The following FYN variants were observed in gnomAD, a reference collection of about 807,000 sequenced individuals.
The protein encoded by FYN is tyrosine-protein kinase Fyn.
In FYN, 10 loss-of-function variants were observed where a neutral mutation model predicts 70.2. The observed-to-expected ratio is 0.14, with a 90% CI of 0.09 to 0.24. The LOEUF (loss-of-function observed/expected upper bound fraction) is 0.24, where lower values mean the gene tolerates loss of function less well. Ranked by LOEUF, FYN falls within the 10% of genes least tolerant of loss-of-function variation. The probability of loss-of-function intolerance (pLI) is 1.00; values close to 1 mark genes in which losing one functional copy is unlikely to be tolerated. For synonymous variants in FYN, 236 were observed against 248.6 expected (o/e 0.95, Z 0.48); for missense variants, 319 against 673.1 (o/e 0.47, Z 5.82).
chr6:111,786,898 T>A (rs376732658), intron 2 of FYN, among the ~76,000 whole-genome samples: 1 of 152,218 alleles, frequency 6.6e-6, no homozygotes, highest in East Asian at 1.9e-4. Flanking sequence ...CTTTGCCCAC[T>A]TGTTGATGGG....
Position 111,872,733 on chromosome 6 carries a change from T to G in FYN, c.-123+235A>C, listed in dbSNP as rs564959474. ...CGGCGCCCGCTTGCGGGCGAGGAAA[T>G]GGGGTCCCCATCCCCGCGCTGCCTC... On this transcript the variant is annotated intron_variant, in intron 1 of 13. Transcript: ENST00000354650. 6.5e-3 allele frequency among the ~76,000 whole-genome samples: 988 copies of G among 151,696 alleles called. 7 individuals carry two copies. The highest frequency in any genetic ancestry group is 0.022 in the African/African-American group (925 of 41,388).
chr6:111,868,667 G>A (rs904650457), intron 1 of FYN, among the ~76,000 whole-genome samples: 5 of 152,084 alleles, frequency 3.3e-5, no homozygotes, highest in African/African-American at 1.2e-4. Flanking sequence ...GTAGTATTTT[G>A]AATATTACCT....
chr6:111,720,677 G>A (rs1800891885), intron 3 of FYN, among the ~76,000 whole-genome samples: 1 of 152,142 alleles, frequency 6.6e-6, no homozygotes, highest in South Asian at 2.1e-4. Context: ...CAGAACCTAA[G>A]AGGTCAGAGT....
At chr6:111,725,031 C>A (rs1009856130) in intron 3 of FYN, among the ~76,000 whole-genome samples, 5 of 152,158 alleles carry the variant, frequency 3.3e-5, no homozygotes, top group African/African-American at 1.2e-4. Flanking sequence ...ATCAAGCAAA[C>A]ACACTTTTTC....
chr6:111,852,423 G>A (rs561629792), intron 1 of FYN, among the ~76,000 whole-genome samples: 41 of 152,306 alleles, frequency 2.7e-4, no homozygotes, highest in South Asian at 8.3e-4. Flanking sequence ...AACAAACACC[G>A]TGTGGAGACA....
intron 3 of FYN, among the ~76,000 whole-genome samples, chr6:111,755,327 C>T (rs902504647): frequency 1.7e-4 from 26 of 152,078 alleles, no homozygotes; most frequent in African/African-American, 5.6e-4. Flanking sequence ...TTGAGGGAAA[C>T]TGGATAATGC....
intron 1 of FYN, among the ~76,000 whole-genome samples, chr6:111,850,550 G>A (rs1773658024): frequency 6.6e-6 from 1 of 152,202 alleles, no homozygotes; most frequent in Non-Finnish European, 1.5e-5. Flanking sequence ...TGTCCACAGG[G>A]ACAAGTGCTC....
At chr6:111,750,933 G>A (rs1347620898) in intron 3 of FYN, among the ~76,000 whole-genome samples, 3 of 152,154 alleles carry the variant, frequency 2.0e-5, no homozygotes, top group Non-Finnish European at 2.9e-5. Flanking sequence ...AGACATGAAT[G>A]AGTGCAAGCC....
intron 1 of FYN, among the ~76,000 whole-genome samples, chr6:111,860,722 G>A (rs907439059): frequency 9.2e-5 from 14 of 152,186 alleles, no homozygotes; most frequent in Non-Finnish European, 1.9e-4. Context: ...AGAGGCATCT[G>A]GTTCTGTTCA....
intron 3 of FYN, among the ~76,000 whole-genome samples, chr6:111,737,169 G>C (rs555885039): frequency 9.8e-5 from 15 of 152,296 alleles, no homozygotes; most frequent in African/African-American, 3.6e-4. Context: ...CCAGATGTGT[G>C]GGTTTTGTTT....
intron 9 of FYN, among the ~76,000 whole-genome samples, chr6:111,697,439 A>G (rs1029682561): frequency 5.9e-5 from 9 of 152,228 alleles, no homozygotes; most frequent in African/African-American, 2.2e-4. Flanking sequence ...TAAGATTTTT[A>G]TATTTAATAT....
intron 13 of FYN, among the ~76,000 whole-genome samples, chr6:111,673,430 G>A (rs1798386527): frequency 1.3e-5 from 2 of 152,120 alleles, no homozygotes; most frequent in Admixed American, 1.3e-4. Context: ...CACCAACCCA[G>A]AACGAGATTA....
chr6:111,867,575 C>T (rs1429157732), intron 1 of FYN, among the ~76,000 whole-genome samples: 4 of 151,608 alleles, frequency 2.6e-5, no homozygotes, highest in Non-Finnish European at 5.9e-5. Flanking sequence ...ATAAAGTCAT[C>T]GCTTAGATAC....
At chr6:111,764,227 AAAAAAG>A (rs1396786770) in intron 3 of FYN, among the ~76,000 whole-genome samples, 1 of 147,990 alleles carries the variant, frequency 6.8e-6, no homozygotes, top group South Asian at 2.1e-4. Flanking sequence ...AAAAAAAAAA[AAAAAAG>A]AAAAGAAAAA....
chr6:111,667,521 C>A (rs1390138998), intron 13 of FYN, among the ~76,000 whole-genome samples: 3 of 152,146 alleles, frequency 2.0e-5, no homozygotes, highest in Non-Finnish European at 4.4e-5. Flanking sequence ...TCCCAAAGCA[C>A]TGGAATTACA....
intron 3 of FYN, among the ~76,000 whole-genome samples, chr6:111,746,665 A>G (rs1802235644): frequency 6.6e-6 from 1 of 152,230 alleles, no homozygotes; most frequent in Non-Finnish European, 1.5e-5. Context: ...GCAAAGCAAA[A>G]AAGAAAAGGC....
intron 3 of FYN, among the ~76,000 whole-genome samples, chr6:111,779,472 C>T (rs956441198): frequency 6.6e-6 from 1 of 152,176 alleles, no homozygotes; most frequent in African/African-American, 2.4e-5. Flanking sequence ...TCTACCCCCA[C>T]CCTTCTTTCC....
intron 3 of FYN, among the ~76,000 whole-genome samples, chr6:111,777,591 A>C (rs1388498306): frequency 6.6e-6 from 1 of 152,196 alleles, no homozygotes; most frequent in Non-Finnish European, 1.5e-5. Flanking sequence ...CCTAACTGTG[A>C]CAACCCAAAA....
Position 111,846,514 on chromosome 6 carries a change from T to G in FYN, c.-82+75A>C, listed in dbSNP as rs547261097. ...TACAATCCCAAATTAAAAGTGGACT[T>G]CATCCTAGGTTCCAACAGGAAGCCC... On this transcript the variant is annotated intron_variant, in intron 2 of 13. Transcript: ENST00000354650. 7.0e-4 allele frequency: 280 copies of G among 398,892 alleles called. 2 individuals carry two copies. The highest frequency in any genetic ancestry group is 5.4e-3 in the African/African-American group (261 of 48,732). 24.7% of individuals were successfully genotyped at this position (398,892 alleles called of 1,614,324 possible).
Sources: allele counts gnomAD v4.1 joint callset (sites outside exome capture counted in the v4.1 genomes callset), GRCh38; gene constraint gnomAD v4.1.1; transcripts MANE v1.5; gene names NCBI Gene and HGNC (gene_info 2026-07-23, HGNC 2026-07-21).